Variants in LIN28B observed in about 807,000 individuals in gnomAD.
The protein encoded by LIN28B is lin-28 RNA binding posttranscriptional regulator B, also known as protein lin-28 homolog B.
LIN28B carries 5 observed loss-of-function variants against 21.9 expected under a neutral mutation model. That is an observed-to-expected ratio of 0.23 (90% CI 0.12 to 0.48). The LOEUF (loss-of-function observed/expected upper bound fraction) is 0.48, where lower values mean the gene tolerates loss of function less well. Ranked by LOEUF, LIN28B falls within the 20% of genes least tolerant of loss-of-function variation. The probability of loss-of-function intolerance (pLI) is 0.98; values close to 1 mark genes in which losing one functional copy is unlikely to be tolerated. For synonymous variants in LIN28B, 109 were observed against 111.3 expected, an observed-to-expected ratio of 0.98 and a Z score of 0.13; for missense variants, 245 against 310.5, an observed-to-expected ratio of 0.79 and a Z score of 1.58.
In LIN28B at chr6:104,997,553, G is replaced by A. The variant is rs1228404798; in HGVS notation, c.199-28745G>A. Among the ~76,000 whole-genome samples, 16 of 88,238 alleles carry A rather than the reference G, an allele frequency of 1.8e-4. No individual in the cohort carries two copies. In the East Asian group the frequency reaches 4.6e-3, roughly 26 times the overall value. The allele number at this position is 88,238 out of a possible 152,430, so 57.9% of individuals were successfully genotyped here. A position where few individuals can be genotyped will look rare whatever the true frequency, so the allele number is the denominator to read the frequency against. ...AAATATGTAACACCCGCCCCCCCCC[G>A]CCACACACACACGTTATTTCTATGA... On this transcript the variant is annotated intron_variant, in intron 2 of 3. Coordinates refer to ENST00000345080, the MANE Select transcript of LIN28B (RefSeq NM_001004317.4).
At chr6:105,045,391 A>G (rs1030366496) in intron 3 of LIN28B, among the ~76,000 whole-genome samples, 7 of 150,750 alleles carry the variant, frequency 4.6e-5, no homozygotes, top group African/African-American at 9.8e-5. Context: ...GGTTCAAGCA[A>G]TTCTCCTGCC....
intron 3 of LIN28B, among the ~76,000 whole-genome samples, chr6:105,076,224 T>C (rs901155368): frequency 2.0e-5 from 3 of 152,266 alleles, no homozygotes; most frequent in South Asian, 2.1e-4. Flanking sequence ...ACATGTGATT[T>C]CTTGTTTTTT....
chr6:105,027,541 T>C (rs1771312486), intron 3 of LIN28B, among the ~76,000 whole-genome samples: 1 of 151,916 alleles, frequency 6.6e-6, no homozygotes, highest in South Asian at 2.1e-4. Flanking sequence ...GATATGAATC[T>C]TTCTTCTCAA....
At position 105,027,022 on chromosome 6, in the gene LIN28B, A is replaced by G. The variant is rs141819764; in HGVS notation, c.383+540A>G. Among the ~76,000 whole-genome samples, 528 of 152,216 alleles carry G rather than the reference A, an allele frequency of 3.5e-3. 18 individuals carry two copies. The East Asian group carries it at 0.084, about 24-fold the overall frequency. Reference sequence around the variant, plus strand: ...CATGTCAATTGTTATCACTTCATAAATTTTACTATTTGAATGTACCAAAAT... The same window carrying G: ...CATGTCAATTGTTATCACTTCATAAGTTTTACTATTTGAATGTACCAAAAT... On this transcript the variant is annotated intron_variant, in intron 3 of 3. Coordinates refer to ENST00000345080, the MANE Select transcript of LIN28B (RefSeq NM_001004317.4).
At chr6:104,976,430 A>C (rs572541609) in intron 2 of LIN28B, among the ~76,000 whole-genome samples, 66 of 152,340 alleles carry the variant, frequency 4.3e-4, no homozygotes, top group African/African-American at 1.5e-3. Flanking sequence ...TTGTGGGCAG[A>C]GGCTTTGTGG....
intron 3 of LIN28B, among the ~76,000 whole-genome samples, chr6:105,064,948 C>G (rs1162029746): frequency 6.6e-6 from 1 of 152,136 alleles, no homozygotes; most frequent in Non-Finnish European, 1.5e-5. Context: ...AGAATATGTG[C>G]AAATAAATCT....
At chr6:104,973,771 T>C (rs1003139176) in intron 2 of LIN28B, among the ~76,000 whole-genome samples, 5 of 152,250 alleles carry the variant, frequency 3.3e-5, no homozygotes, top group Non-Finnish European at 5.9e-5. Context: ...GTTCTGTCTC[T>C]TTAGGTATTA....
chr6:105,041,465 A>G (rs1582912987), intron 3 of LIN28B, among the ~76,000 whole-genome samples: 1 of 152,296 alleles, frequency 6.6e-6, no homozygotes, highest in East Asian at 1.9e-4. Flanking sequence ...ATTTCAGACC[A>G]TAAATATTCT....
chr6:104,958,921 G>A (rs779037454), intron 2 of LIN28B, among the ~76,000 whole-genome samples: 4 of 152,140 alleles, frequency 2.6e-5, no homozygotes, highest in Non-Finnish European at 4.4e-5. Context: ...ATTGGTCTAC[G>A]TATACTGTCT....
chr6:105,020,747 C>CTTTTTTT (rs1176851045), intron 2 of LIN28B, among the ~76,000 whole-genome samples: 2 of 85,420 alleles, frequency 2.3e-5, no homozygotes, highest in Admixed American at 1.4e-4. Flanking sequence ...TCATTCCACT[C>CTTTTTTT]TTTTTTTTTT....
intron 2 of LIN28B, among the ~76,000 whole-genome samples, chr6:104,992,057 C>T (rs1770497200): frequency 6.6e-6 from 1 of 151,324 alleles, no homozygotes; most frequent in Non-Finnish European, 1.5e-5. Flanking sequence ...AGTCTTTAAT[C>T]TGTTCACATC....
At chr6:105,008,247 T>C (rs1427645393) in intron 2 of LIN28B, among the ~76,000 whole-genome samples, 1 of 152,222 alleles carries the variant, frequency 6.6e-6, no homozygotes, top group African/African-American at 2.4e-5. Flanking sequence ...ATTTTCATTC[T>C]GTGTTTGAAA....
At chr6:104,981,027 G>A (rs934756410) in intron 2 of LIN28B, among the ~76,000 whole-genome samples, 2 of 152,080 alleles carry the variant, frequency 1.3e-5, no homozygotes, top group Non-Finnish European at 2.9e-5. Flanking sequence ...ACCACAACAG[G>A]TTCTGGAACA....
At chr6:104,986,532 CAAAA>C (rs71003463) in intron 2 of LIN28B, among the ~76,000 whole-genome samples, 15 of 139,886 alleles carry the variant, frequency 1.1e-4, no homozygotes, top group Non-Finnish European at 9.2e-5. Context: ...TCATTTCTAC[CAAAA>C]AAAAAAAAAA....
intron 3 of LIN28B, among the ~76,000 whole-genome samples, chr6:105,054,637 G>A (rs142367843): frequency 6.6e-6 from 1 of 152,232 alleles, no homozygotes; most frequent in African/African-American, 2.4e-5. Context: ...TGTGGAGGGA[G>A]TGGGAGAGTG....
intron 2 of LIN28B, among the ~76,000 whole-genome samples, chr6:104,941,849 A>G (rs1469194042): frequency 6.6e-6 from 1 of 152,244 alleles, no homozygotes; most frequent in East Asian, 1.9e-4. Context: ...TTGTACTCCA[A>G]AAACTTTTTT....
At position 105,041,860 on chromosome 6, in the gene LIN28B, T is replaced by C. The variant is rs565959195; in HGVS notation, c.383+15378T>C. ...AACAAACCTCTGGGTAATTTTGATA[T>C]ATTGTAAGTTTGAGATCCCTTGGCC... On this transcript the variant is annotated intron_variant, in intron 3 of 3. Transcript: ENST00000345080. 7.2e-5 allele frequency among the ~76,000 whole-genome samples: 11 copies of C among 152,236 alleles called. No individual in the cohort carries two copies. In the East Asian group the frequency reaches 9.6e-4, roughly 13 times the overall value.
Position 105,054,816 on chromosome 6 carries a change from G to A in LIN28B, c.384-23598G>A, listed in dbSNP as rs549212446. 2.0e-5 allele frequency among the ~76,000 whole-genome samples: 3 copies of A among 149,886 alleles called. No individual in the cohort carries two copies. The South Asian group carries it at 6.4e-4, about 32-fold the overall frequency. The stretch of plus-strand genomic sequence containing the variant: ...GGGGTGCAAGCCAGTGAGTTTCCAT[G>A]TGGTTACATTTTTCTTGAACCTGAA... On this transcript the variant is annotated intron_variant, in intron 3 of 3. Coordinates refer to ENST00000345080, the MANE Select transcript of LIN28B (RefSeq NM_001004317.4).
intron 2 of LIN28B, among the ~76,000 whole-genome samples, chr6:105,011,563 T>C (rs902240736): frequency 2.0e-5 from 3 of 152,182 alleles, no homozygotes; most frequent in African/African-American, 7.2e-5. Flanking sequence ...CATCACCCTG[T>C]GGGAATTGAA....
Sources: allele counts gnomAD v4.1 joint callset (sites outside exome capture counted in the v4.1 genomes callset), GRCh38; gene constraint gnomAD v4.1.1; transcripts MANE v1.5; gene names NCBI Gene and HGNC (gene_info 2026-07-23, HGNC 2026-07-21).